Variants in ASTL observed in about 807,000 individuals in gnomAD.
ASTL encodes the protein astacin-like metalloendopeptidase.
A neutral mutation model predicts 36.7 loss-of-function variants in ASTL; 27 were observed. The ratio of observed to expected loss-of-function variants is 0.73; its 90% confidence interval spans 0.54 to 1.01. ASTL has a LOEUF of 1.01. Ranked by LOEUF, ASTL falls within the 50% of genes least tolerant of loss-of-function variation. The pLI is 0.00. For missense variants in ASTL, 524 were observed against 572.8 expected (o/e 0.91, Z 0.87); for synonymous variants, 222 against 228.1 (o/e 0.97, Z 0.24).
Position 96,122,926 on chromosome 2 carries a change from C to A in ASTL, c.*924G>T, listed in dbSNP as rs1681987216. 6.6e-6 allele frequency among the ~76,000 whole-genome samples: 1 copy of A among 152,244 alleles called. No individual in the cohort carries two copies. Among genetic ancestry groups the A allele is most frequent in the African/African-American group, 2.4e-5 (1 of 41,462 alleles). On this transcript the variant is annotated 3_prime_UTR_variant, in exon 9 of 9. Coordinates refer to ENST00000342380, the MANE Select transcript of ASTL (RefSeq NM_001002036.4). The stretch of plus-strand genomic sequence containing the variant: ...CTCTGAAAGGCCACCAAAACAGTAC[C>A]CTTGGGGACTGAGGGGCCTCTGGCC...
rs1478796122 is a variant in ASTL, at chr2:96,123,741, T to A, written c.*109A>T. On this transcript the variant is annotated 3_prime_UTR_variant, in exon 9 of 9. Coordinates refer to ENST00000342380, the MANE Select transcript of ASTL (RefSeq NM_001002036.4). ...GTCCTGGCCCTCTGAGATGGGGTGG[T>A]AGGTTGGGGCTGGAAGACAGTGGTG... The A allele has an allele frequency of 1.2e-6, 1 of 826,024 alleles. No individual in the cohort carries two copies. The allele number at this position is 826,024 out of a possible 1,614,324, so 51.2% of individuals were successfully genotyped here. A position where few individuals can be genotyped will look rare whatever the true frequency, so the allele number is the denominator to read the frequency against.
intron 3 of ASTL, among the ~76,000 whole-genome samples, chr2:96,134,789 G>A (rs1682262286): frequency 1.3e-5 from 2 of 152,204 alleles, no homozygotes; most frequent in East Asian, 3.8e-4. Context: ...TCCTATTCAG[G>A]AGCCTTCTGC....
chr2:96,137,560 A>G lies in ASTL; in HGVS notation c.181+15T>C. On this transcript the variant is annotated intron_variant, in intron 2 of 8. Coordinates refer to ENST00000342380, the MANE Select transcript of ASTL (RefSeq NM_001002036.4). ...TCGTGCCCCTCCAGGCCGTGAGAAGATGTAGTGCCCTCACCTTGGTTAATT... is the reference window on the plus strand; with the variant it reads ...TCGTGCCCCTCCAGGCCGTGAGAAGGTGTAGTGCCCTCACCTTGGTTAATT... The G allele has an allele frequency of 1.2e-6, 2 of 1,611,566 alleles. No individual in the cohort carries two copies. Among genetic ancestry groups the G allele is most frequent in the Non-Finnish European group, 1.7e-6 (2 of 1,177,982 alleles).
rs1310159376 is a variant in ASTL at position 96,132,746 on chromosome 2, G to A, written c.456-25C>T. 1 of 1,592,172 alleles carries A rather than the reference G, an allele frequency of 6.3e-7. No individual in the cohort carries two copies. The stretch of plus-strand genomic sequence containing the variant: ...CCTGCAGGGTGATGAGAGCAAGTGG[G>A]GTAAGTGCCAGCCCAGATCCCTCCG... On this transcript the variant is annotated intron_variant, in intron 5 of 8. Transcript: ENST00000342380. The surrounding 1 kb of genome is among the most constrained non-coding windows in gnomAD (Gnocchi z 5.4).
At position 96,124,235 on chromosome 2, in the gene ASTL, G is replaced by A. The variant is rs565777679; in HGVS notation, c.911C>T (p.Pro304Leu). The change falls in exon 9 of 9, where the codon CCG (proline) becomes CTG (leucine). Residue 304 changes from proline (P) to leucine (L), a missense_variant. By Grantham distance (98) the Pro-to-Leu change is moderately conservative (BLOSUM62 -3). Coordinates refer to ENST00000342380, the MANE Select transcript of ASTL (RefSeq NM_001002036.4). The surrounding 1 kb of genome is among the most constrained non-coding windows in gnomAD (Gnocchi z 4.1). ...HAHSTGRSPA[P>L]ASLSLQRLLE... ...AAGCCGCTGCAGAGATAGGGAGGCC[G>A]GAGCGGGGCTCCTACCAGTGCTGTG... 3.5e-5 allele frequency: 53 copies of A among 1,515,658 alleles called. No individual in the cohort carries two copies. Among genetic ancestry groups the A allele is most frequent in the Admixed American group, 6.8e-5 (3 of 44,248 alleles). The allele number at this position is 1,515,658 out of a possible 1,614,324, so 93.9% of individuals were successfully genotyped here. A position where few individuals can be genotyped will look rare whatever the true frequency, so the allele number is the denominator to read the frequency against.
rs752809649 is a variant in ASTL at position 96,130,128 on chromosome 2, T to A, written c.655A>T (p.Ile219Phe). 6.2e-7 allele frequency: 1 copy of A among 1,613,758 alleles called. No individual in the cohort carries two copies. Among genetic ancestry groups the A allele is most frequent in the Non-Finnish European group, 8.5e-7 (1 of 1,179,626 alleles). Reference sequence around the variant, plus strand: ...AGCATGTTGCTGCTCTGAGACTTGATGAAGTTGATTTCAAAGCCTAAAAAT... The same window carrying A: ...AGCATGTTGCTGCTCTGAGACTTGAAGAAGTTGATTTCAAAGCCTAAAAAT... The part of the protein sequence containing the change: ...EILPGFEINF[I>F]KSQSSNMLTP... Residue 219 changes from isoleucine (I) to phenylalanine (F), a missense_variant, in exon 7 of 9, where the codon ATC becomes TTC. Physicochemically the swap from Ile to Phe is conservative, Grantham distance 21. Transcript: ENST00000342380.
At chr2:96,137,537 G>A (rs764514557) in intron 2 of ASTL, 38 bp downstream of exon 2, 11 of 1,604,484 alleles carry the variant, frequency 6.9e-6, no homozygotes, top group South Asian at 6.6e-5. Context: ...ACATAACGTC[G>A]TGCCCCTCCA....
rs757124591 is a variant in ASTL, at chr2:96,137,667, C to G, written c.89G>C (p.Cys30Ser). 8.1e-6 allele frequency: 13 copies of G among 1,613,580 alleles called. No individual in the cohort carries two copies. The highest frequency in any genetic ancestry group is 3.3e-5 in the Admixed American group (2 of 59,998). ...GAAGCTGGTACCACAGGCTCCTGCG[C>G]AGCTGGAGGCCAGGGGCGCTCCTAG... is the stretch of plus-strand genomic sequence containing the variant. ...VILGAPLASS[C>S]AGACGTSFPD... Residue 30 changes from cysteine (C) to serine (S), a missense_variant, in exon 2 of 9, where the codon TGC (cysteine) becomes TCC (serine). Cys to Ser is a moderately radical substitution (Grantham distance 112). Transcript: ENST00000342380.
At chr2:96,126,217 G>C (rs1408756895) in intron 8 of ASTL, among the ~76,000 whole-genome samples, 1 of 152,134 alleles carries the variant, frequency 6.6e-6, no homozygotes. Flanking sequence ...TTATTAAAAA[G>C]TGGGAAAAAC....
At chr2:96,136,575 T>C (rs1181284298) in intron 2 of ASTL, among the ~76,000 whole-genome samples, 2 of 152,190 alleles carry the variant, frequency 1.3e-5, no homozygotes, top group South Asian at 2.1e-4. Context: ...GGATGGTGCC[T>C]GGGGCTCAAG....
chr2:96,123,524 G>C lies in ASTL; in HGVS notation c.*326C>G, dbSNP rs980078293. On this transcript the variant is annotated 3_prime_UTR_variant, in exon 9 of 9. Transcript: ENST00000342380. Reference sequence around the variant, plus strand: ...GGGATTCCAGGGTTCTGCGGGGCTGGAACCTACCTCTTCCCCACCCCTTCC... The same window carrying C: ...GGGATTCCAGGGTTCTGCGGGGCTGCAACCTACCTCTTCCCCACCCCTTCC... 4.6e-5 allele frequency among the ~76,000 whole-genome samples: 7 copies of C among 152,254 alleles called. No homozygotes were observed. The highest frequency in any genetic ancestry group is 1.4e-4 in the African/African-American group (6 of 41,538).
chr2:96,137,885 C>A, intron 1 of ASTL, 185 bp from the exon 2 acceptor site: 1 of 590,188 alleles, frequency 1.7e-6, no homozygotes, highest in Non-Finnish European at 3.0e-6. Context: ...GTGCCAAGGT[C>A]TAGATGACCT....
In ASTL at chr2:96,137,611, C is replaced by T; in HGVS notation, c.145G>A (p.Ala49Thr). 6.2e-7 allele frequency: 1 copy of T among 1,614,016 alleles called. No individual in the cohort carries two copies. The highest frequency in any genetic ancestry group is 1.7e-4 in the Middle Eastern group (1 of 6,060). Residue 49 changes from alanine (A) to threonine (T), a missense_variant, in exon 2 of 9, where the codon GCC becomes ACC. Coordinates refer to ENST00000342380, the MANE Select transcript of ASTL (RefSeq NM_001002036.4). ...PDGLTPEGTQASGDKDIPAIN... is the reference protein window; with the variant it reads ...PDGLTPEGTQTSGDKDIPAIN... ...GCAGGAATGTCCTTGTCCCCGGAGG[C>T]CTGGGTTCCCTCAGGGGTGAGGCCA...
chr2:96,124,447 A>T lies in ASTL; in HGVS notation c.875-176T>A, dbSNP rs760081988. On this transcript the variant is annotated intron_variant, in intron 8 of 8. Coordinates refer to ENST00000342380, the MANE Select transcript of ASTL (RefSeq NM_001002036.4). This position sits in a 1 kb window ranked among gnomAD's most constrained non-coding sequence, Gnocchi z 4.1. ...GAGACCAGGACAATGAAGCCATCCC[A>T]TCTCTTCCCTGCCTGGCCCCTGAAG... 2.2e-4 allele frequency among the ~76,000 whole-genome samples: 33 copies of T among 152,146 alleles called. No individual in the cohort carries two copies. Among genetic ancestry groups the T allele is most frequent in the Non-Finnish European group, 4.0e-4 (27 of 67,982 alleles).
At chr2:96,137,930 A>G (rs1682339733) in intron 1 of ASTL, among the ~76,000 whole-genome samples, 1 of 152,134 alleles carries the variant, frequency 6.6e-6, no homozygotes, top group South Asian at 2.1e-4. Flanking sequence ...ACCAAAAGGG[A>G]CCATGTGCCC....
In ASTL at chr2:96,127,869, C is replaced by T. The variant is rs933289439; in HGVS notation, c.874+1955G>A. Among the ~76,000 whole-genome samples the T allele has an allele frequency of 5.9e-5, 9 of 152,180 alleles. 1 individual carries two copies. The highest frequency in any genetic ancestry group is 1.2e-4 in the Non-Finnish European group (8 of 68,024). ...GTGATTACAGGCATGAGCCATCACACTCAGCTGGTTTGTTCTTATATTAAT... is the reference window on the plus strand; with the variant it reads ...GTGATTACAGGCATGAGCCATCACATTCAGCTGGTTTGTTCTTATATTAAT... On this transcript the variant is annotated intron_variant, in intron 8 of 8. Transcript: ENST00000342380.
chr2:96,133,741 T>C lies in ASTL; in HGVS notation c.338-199A>G, dbSNP rs7558303. The C allele has an allele frequency of 1.7e-3, 1,092 of 635,860 alleles. 4 individuals carry two copies. Among genetic ancestry groups the C allele is most frequent in the African/African-American group, 0.017 (941 of 55,180 alleles). The allele number at this position is 635,860 out of a possible 1,614,324, so 39.4% of individuals were successfully genotyped here. ...GTAGGTCACTGTCCTCTGCACCGCA[T>C]GGTCTCAAGGGGAACCAGATCCCCA... is the stretch of plus-strand genomic sequence containing the variant. On this transcript the variant is annotated intron_variant, in intron 4 of 8. Coordinates refer to ENST00000342380, the MANE Select transcript of ASTL (RefSeq NM_001002036.4).
intron 2 of ASTL, among the ~76,000 whole-genome samples, chr2:96,137,323 T>C (rs983050179): frequency 4.6e-5 from 7 of 152,096 alleles, no homozygotes; most frequent in Non-Finnish European, 8.8e-5. Flanking sequence ...CAATTGCCCA[T>C]AGAATTTCCA....
rs1682193471 is a variant in ASTL, at chr2:96,132,197, C to A, written c.637+343G>T. Among the ~76,000 whole-genome samples the A allele has an allele frequency of 6.6e-6, 1 of 152,194 alleles. No homozygotes were observed. The highest frequency in any genetic ancestry group is 6.5e-5 in the Admixed American group (1 of 15,280). ...GGTGGTGGTATCTGGTACATGAGACCGCTGCTAGAGTACTCAACAAGCAGG... is the reference window on the plus strand; with the variant it reads ...GGTGGTGGTATCTGGTACATGAGACAGCTGCTAGAGTACTCAACAAGCAGG... On this transcript the variant is annotated intron_variant, in intron 6 of 8. Coordinates refer to ENST00000342380, the MANE Select transcript of ASTL (RefSeq NM_001002036.4). The surrounding 1 kb of genome is among the most constrained non-coding windows in gnomAD (Gnocchi z 5.4).
Sources: allele counts gnomAD v4.1 joint callset (sites outside exome capture counted in the v4.1 genomes callset), GRCh38; gene constraint gnomAD v4.1.1; non-coding constraint Gnocchi (gnomAD v3.1); transcripts MANE v1.5; gene names NCBI Gene and HGNC (gene_info 2026-07-23, HGNC 2026-07-21).